BAIAP2L1: variants seen among roughly 807,000 people sequenced by gnomAD.
BAIAP2L1 encodes BAR/IMD domain containing adaptor protein 2 like 1.
BAIAP2L1 carries 35 observed loss-of-function variants against 66.3 expected under a neutral mutation model. The observed-to-expected ratio is 0.53, with a 90% CI of 0.40 to 0.70. The LOEUF (loss-of-function observed/expected upper bound fraction) is 0.70. BAIAP2L1 is among the 30% of genes least tolerant of loss of function. The pLI is 0.00. For missense variants in BAIAP2L1, 622 were observed against 656.9 expected, an observed-to-expected ratio of 0.95 and a Z score of 0.58; for synonymous variants, 269 against 248.7, an observed-to-expected ratio of 1.08 and a Z score of -0.77.
At chr7:98,349,296 G>A (rs1801946620) in intron 3 of BAIAP2L1, among the ~76,000 whole-genome samples, 2 of 152,188 alleles carry the variant, frequency 1.3e-5, no homozygotes, top group African/African-American at 2.4e-5. Flanking sequence ...AGAAGTGCCC[G>A]GCACGCGGTG....
At chr7:98,312,350 C>A in intron 7 of BAIAP2L1, 86 bp from the exon 8 acceptor site, 1 of 1,415,368 alleles carries the variant, frequency 7.1e-7, no homozygotes, top group South Asian at 1.4e-5. Context: ...TCGCTGATAA[C>A]AGATTACTGG....
intron 1 of BAIAP2L1, among the ~76,000 whole-genome samples, chr7:98,388,507 A>C (rs1302896408): frequency 1.3e-5 from 2 of 151,586 alleles, no homozygotes; most frequent in Non-Finnish European, 2.9e-5. Context: ...ACAAAACAAA[A>C]CAAACCCATG....
At chr7:98,375,859 T>C (rs1051569426) in intron 1 of BAIAP2L1, among the ~76,000 whole-genome samples, 1 of 152,100 alleles carries the variant, frequency 6.6e-6, no homozygotes, top group Non-Finnish European at 1.5e-5. Context: ...GATGCCTTAG[T>C]CACCCCATCC....
intron 1 of BAIAP2L1, among the ~76,000 whole-genome samples, chr7:98,368,735 A>T (rs1317193069): frequency 6.6e-6 from 1 of 152,010 alleles, no homozygotes; most frequent in South Asian, 2.1e-4. Context: ...GCATTTTAAG[A>T]TTTGCCCTTT....
intron 1 of BAIAP2L1, chr7:98,386,059 T>C: frequency 6.7e-7 from 1 of 1,487,260 alleles, no homozygotes; most frequent in Non-Finnish European, 9.3e-7. Flanking sequence ...GTCATTTGTC[T>C]GCACCTCTCG....
intron 1 of BAIAP2L1, among the ~76,000 whole-genome samples, chr7:98,377,388 T>G (rs953883311): frequency 1.3e-5 from 2 of 152,190 alleles, no homozygotes; most frequent in African/African-American, 4.8e-5. Flanking sequence ...ACTCCCAAAT[T>G]TGAAGACAGC....
At chr7:98,353,217 G>A (rs965669401) in intron 3 of BAIAP2L1, among the ~76,000 whole-genome samples, 1 of 150,612 alleles carries the variant, frequency 6.6e-6, no homozygotes, top group Non-Finnish European at 1.5e-5. Flanking sequence ...GCAGTACTGG[G>A]CTGGGTGAGG....
At chr7:98,312,644 T>C (rs1228749969) in intron 7 of BAIAP2L1, among the ~76,000 whole-genome samples, 1 of 152,148 alleles carries the variant, frequency 6.6e-6, no homozygotes, top group Admixed American at 6.5e-5. Context: ...CCACTCCTAC[T>C]AAAAGCAGCA....
At chr7:98,359,365 C>T (rs1195588664) in intron 2 of BAIAP2L1, among the ~76,000 whole-genome samples, 1 of 151,694 alleles carries the variant, frequency 6.6e-6, no homozygotes, top group Non-Finnish European at 1.5e-5. Flanking sequence ...CTTTACCTCC[C>T]GGGTTCAAGT....
chr7:98,308,440 C>T (rs1266353878), intron 9 of BAIAP2L1: 1 of 370,446 alleles, frequency 2.7e-6, no homozygotes, highest in East Asian at 7.3e-5. Flanking sequence ...AGGTGCCAGT[C>T]ACGATCTCAA....
intron 1 of BAIAP2L1, among the ~76,000 whole-genome samples, chr7:98,385,586 G>GT (rs1270049424): frequency 1.3e-5 from 2 of 151,540 alleles, no homozygotes; most frequent in Non-Finnish European, 2.9e-5. Flanking sequence ...TAATTTTTTT[G>GT]TTTTTTTCGT....
At chr7:98,300,934 C>T (rs1032959509) in intron 12 of BAIAP2L1, among the ~76,000 whole-genome samples, 4 of 152,190 alleles carry the variant, frequency 2.6e-5, no homozygotes, top group African/African-American at 9.7e-5. Flanking sequence ...AGAAGCCTCC[C>T]CTGATGCGTC....
At chr7:98,372,018 TCTC>T (rs1324661163) in intron 1 of BAIAP2L1, among the ~76,000 whole-genome samples, 1 of 151,982 alleles carries the variant, frequency 6.6e-6, no homozygotes, top group Admixed American at 6.5e-5. Flanking sequence ...ATGGTCTCGA[TCTC>T]CTGATCTCGT....
intron 1 of BAIAP2L1, among the ~76,000 whole-genome samples, chr7:98,368,245 C>T (rs1422237091): frequency 6.6e-6 from 1 of 152,044 alleles, no homozygotes; most frequent in Non-Finnish European, 1.5e-5. Context: ...ATGGTGAAAC[C>T]CTGTCTCTAC....
chr7:98,297,825 C>T (rs1319047931), intron 12 of BAIAP2L1, among the ~76,000 whole-genome samples: 5 of 152,160 alleles, frequency 3.3e-5, no homozygotes, highest in African/African-American at 7.2e-5. Flanking sequence ...CACGTGAGGG[C>T]GCGCTGTGAA....
rs543514595 is a variant in BAIAP2L1 at position 98,332,107 on chromosome 7, C to T, written c.215-11809G>A. ...ACATAAAGAAAGGAACAGGGCTGGG[C>T]GCAGTGGCTCACACCTGTAATTCCA... On this transcript the variant is annotated intron_variant, in intron 3 of 13. Transcript: ENST00000005260. Among the ~76,000 whole-genome samples the T allele has an allele frequency of 6.6e-5, 10 of 152,086 alleles. No homozygotes were observed. The East Asian group carries it at 7.7e-4, about 12-fold the overall frequency.
chr7:98,397,647 A>T (rs1162525095), intron 1 of BAIAP2L1, among the ~76,000 whole-genome samples: 4 of 152,098 alleles, frequency 2.6e-5, no homozygotes, highest in East Asian at 1.9e-4. Flanking sequence ...AGTCTTTAAC[A>T]GTTCTAGGAA....
chr7:98,307,825 T>G lies in BAIAP2L1; in HGVS notation c.1027A>C (p.Lys343Gln). 1 of 1,614,260 alleles carries G rather than the reference T, an allele frequency of 6.2e-7. No individual in the cohort carries two copies. The highest frequency in any genetic ancestry group is 8.5e-7 in the Non-Finnish European group (1 of 1,180,044). Residue 343 changes from lysine to glutamine, a missense_variant, in exon 10 of 14, where the codon AAA becomes CAA. Physicochemically the swap from Lys to Gln is moderately conservative, Grantham distance 53. Transcript: ENST00000005260. Reference protein sequence around the residue: ...ATGLNMMKKQKVKTIFPHTAG... With the variant: ...ATGLNMMKKQQVKTIFPHTAG... Reference sequence around the variant, plus strand: ...GTGTGCGGGAAGATGGTCTTCACTTTCTGCTTCTTCATCATGTTCAGTCCC... The same window carrying G: ...GTGTGCGGGAAGATGGTCTTCACTTGCTGCTTCTTCATCATGTTCAGTCCC...
chr7:98,322,365 C>T (rs1329161357), intron 3 of BAIAP2L1, among the ~76,000 whole-genome samples: 1 of 152,184 alleles, frequency 6.6e-6, no homozygotes, highest in Non-Finnish European at 1.5e-5. Flanking sequence ...CCATTGGGCA[C>T]ACCTCATCCT....
Sources: allele counts gnomAD v4.1 joint callset (sites outside exome capture counted in the v4.1 genomes callset), GRCh38; gene constraint gnomAD v4.1.1; transcripts MANE v1.5; gene names NCBI Gene and HGNC (gene_info 2026-07-23, HGNC 2026-07-21).